UBE2D2: variants seen among roughly 807,000 people sequenced by gnomAD.
The protein encoded by UBE2D2 is ubiquitin-conjugating enzyme E2 D2.
Under a neutral mutation model 24.2 loss-of-function variants are expected in UBE2D2, and 2 were observed. That is an observed-to-expected ratio of 0.08 (90% CI 0.03 to 0.26). The LOEUF (loss-of-function observed/expected upper bound fraction) is 0.26. Ranked by LOEUF, UBE2D2 falls within the 10% of genes least tolerant of loss-of-function variation. The pLI, the probability that UBE2D2 is intolerant of heterozygous loss-of-function variation, is 1.00. For missense variants in UBE2D2, 44 were observed against 177.6 expected (o/e 0.25, Z 4.28); for synonymous variants, 58 against 56.5 (o/e 1.03, Z -0.12).
chr5:139,541,234 G>A (rs1752756991), intron 1 of UBE2D2, among the ~76,000 whole-genome samples: 1 of 151,688 alleles, frequency 6.6e-6, no homozygotes, highest in South Asian at 2.1e-4. Context: ...AGAGATGGAG[G>A]TTGCAGTGAA....
chr5:139,591,583 A>G (rs1753847789), intron 1 of UBE2D2, among the ~76,000 whole-genome samples: 1 of 152,186 alleles, frequency 6.6e-6, no homozygotes, highest in Non-Finnish European at 1.5e-5. Flanking sequence ...CTAGAAGGCA[A>G]CAATATTAAG....
At chr5:139,580,578 C>G (rs1186969195) in intron 1 of UBE2D2, among the ~76,000 whole-genome samples, 1 of 152,192 alleles carries the variant, frequency 6.6e-6, no homozygotes, top group African/African-American at 2.4e-5. Context: ...TCTCCTGCCT[C>G]TGGGACCACA....
At chr5:139,558,456 T>A (rs1051849570), upstream of UBE2D2, among the ~76,000 whole-genome samples, 1 of 152,084 alleles carries the variant, frequency 6.6e-6, no homozygotes, top group African/African-American at 2.4e-5. Context: ...GCCCGGCTAA[T>A]TTTTTGTATT....
At chr5:139,583,061 G>A (rs943003533) in intron 1 of UBE2D2, among the ~76,000 whole-genome samples, 9 of 149,870 alleles carry the variant, frequency 6.0e-5, no homozygotes, top group South Asian at 2.1e-4. Context: ...TCCATCTTCC[G>A]CCTCTTGGGT....
At chr5:139,578,081 TC>T (rs1753517302) in intron 1 of UBE2D2, among the ~76,000 whole-genome samples, 1 of 152,134 alleles carries the variant, frequency 6.6e-6, no homozygotes, top group Non-Finnish European at 1.5e-5. Flanking sequence ...CATAGACTCT[TC>T]CCATCTACCT....
rs1228036569 is a variant in UBE2D2 at position 139,567,395 on chromosome 5, G to A, written c.24+5580G>A. On this transcript the variant is annotated intron_variant, in intron 1 of 6. Transcript: ENST00000398733. ...ATACAAGCATGAGACACCGTGCCCG[G>A]CCTTAAGTAGTTTTTAAATACAATT... Among the ~76,000 whole-genome samples the A allele has an allele frequency of 2.0e-5, 3 of 151,690 alleles. No individual in the cohort carries two copies. The East Asian group carries it at 5.8e-4, about 29-fold the overall frequency.
At chr5:139,573,984 A>G (rs1753409051) in intron 1 of UBE2D2, among the ~76,000 whole-genome samples, 1 of 151,864 alleles carries the variant, frequency 6.6e-6, no homozygotes, top group Non-Finnish European at 1.5e-5. Flanking sequence ...AAATAAATAA[A>G]TAAATAATAA....
At chr5:139,602,819 CAT>C (rs1754110858) in intron 2 of UBE2D2, among the ~76,000 whole-genome samples, 2 of 152,162 alleles carry the variant, frequency 1.3e-5, no homozygotes, top group Admixed American at 1.3e-4. Context: ...AGTCTAAGTA[CAT>C]GTCATGAAAA....
intron 5 of UBE2D2, among the ~76,000 whole-genome samples, chr5:139,619,863 C>CA (rs36010124): frequency 8.0e-5 from 12 of 149,862 alleles, no homozygotes; most frequent in Admixed American, 2.7e-4. Context: ...AACTCCGTCT[C>CA]AAAAAAAAAG....
intron 1 of UBE2D2, among the ~76,000 whole-genome samples, chr5:139,574,186 CAGG>C (rs1271581126): frequency 7.1e-6 from 1 of 140,194 alleles, no homozygotes; most frequent in Admixed American, 7.6e-5. Context: ...GAGGCTGAGT[CAGG>C]AGAATTGCTT....
chr5:139,550,529 C>G (rs1218029059), intron 1 of UBE2D2, among the ~76,000 whole-genome samples: 1 of 152,150 alleles, frequency 6.6e-6, no homozygotes, highest in Non-Finnish European at 1.5e-5. Context: ...GCTGCCTGCG[C>G]TAGTAGTGGC....
intron 1 of UBE2D2, among the ~76,000 whole-genome samples, chr5:139,598,050 C>T (rs763763208): frequency 3.6e-4 from 55 of 152,192 alleles, no homozygotes; most frequent in Non-Finnish European, 6.6e-4. Flanking sequence ...TACAGGCACC[C>T]GCCACCATGC....
chr5:139,536,566 G>A (rs974159758), intron 1 of UBE2D2, among the ~76,000 whole-genome samples: 23 of 152,104 alleles, frequency 1.5e-4, no homozygotes, highest in Admixed American at 3.9e-4. Flanking sequence ...CTGTTGTCCC[G>A]GATGGTCTGG....
chr5:139,599,244 T>C (rs1343185139), intron 1 of UBE2D2, among the ~76,000 whole-genome samples: 2 of 151,874 alleles, frequency 1.3e-5, no homozygotes, highest in African/African-American at 4.8e-5. Context: ...CTAAAATATA[T>C]TCCTTCAAAG....
chr5:139,577,270 A>G (rs1192900858), intron 1 of UBE2D2, among the ~76,000 whole-genome samples: 1 of 152,132 alleles, frequency 6.6e-6, no homozygotes, highest in East Asian at 1.9e-4. Context: ...CAGTTTTTAC[A>G]TATTGTATTT....
intron 1 of UBE2D2, among the ~76,000 whole-genome samples, chr5:139,591,875 G>A (rs1753852621): frequency 6.6e-6 from 1 of 152,134 alleles, no homozygotes; most frequent in African/African-American, 2.4e-5. Flanking sequence ...AGGTACTATA[G>A]TAATGACAGA....
chr5:139,537,976 A>G lies in UBE2D2; in HGVS notation c.-64+11364A>G, dbSNP rs1752707791. On this transcript the variant is annotated intron_variant, in intron 1 of 6. Transcript: ENST00000511725. ...GAGACTCCGTCTCAAAAAAAAAAAAAAGAGAAACCTTCCCTATTTTGTTAA... is the reference window on the plus strand; with the variant it reads ...GAGACTCCGTCTCAAAAAAAAAAAAGAGAGAAACCTTCCCTATTTTGTTAA... Among the ~76,000 whole-genome samples the G allele has an allele frequency of 2.0e-5, 3 of 151,744 alleles. No homozygotes were observed. In the South Asian group the frequency reaches 6.2e-4, roughly 32 times the overall value.
At chr5:139,575,443 G>T (rs1183115436) in intron 1 of UBE2D2, among the ~76,000 whole-genome samples, 1 of 152,020 alleles carries the variant, frequency 6.6e-6, no homozygotes, top group African/African-American at 2.4e-5. Context: ...AGCAAAAAAA[G>T]AAAAACCTGA....
chr5:139,610,995 C>T (rs186900717), intron 2 of UBE2D2, among the ~76,000 whole-genome samples: 16 of 152,094 alleles, frequency 1.1e-4, no homozygotes, highest in Admixed American at 9.8e-4. Context: ...CCAAAGGAGG[C>T]ATTATGCTTC....
Sources: gnomAD v4.1 joint callset for allele counts (sites outside exome capture counted in the v4.1 genomes callset) on GRCh38, gnomAD v4.1.1 for gene constraint, MANE v1.5 for transcripts, NCBI Gene and HGNC (gene_info 2026-07-23, HGNC 2026-07-21) for gene names.